DNAH14: variants seen among roughly 807,000 people sequenced by gnomAD.
DNAH14 encodes axonemal beta dynein heavy chain 14.
In DNAH14, 478 loss-of-function variants were observed where a neutral mutation model predicts 520.9. The ratio of observed to expected loss-of-function variants is 0.92; its 90% CI spans 0.85 to 0.99. The LOEUF (loss-of-function observed/expected upper bound fraction) is 0.99. DNAH14 is among the 50% of genes least tolerant of loss of function. The probability of loss-of-function intolerance (pLI) is 0.00; values close to 1 mark genes in which losing one functional copy is unlikely to be tolerated. For missense variants in DNAH14, 4,831 were observed against 5,234.5 expected (o/e 0.92, Z 2.38); for synonymous variants, 1,581 against 1,757.2 (o/e 0.90, Z 2.51).
chr1:225,176,229 T>C (rs1306211966), intron 36 of DNAH14, among the ~76,000 whole-genome samples: 1 of 152,222 alleles, frequency 6.6e-6, no homozygotes, highest in African/African-American at 2.4e-5. Flanking sequence ...CATGAGCACA[T>C]TGTTTAATTT....
chr1:225,086,364 G>A (rs575358034), intron 21 of DNAH14, among the ~76,000 whole-genome samples: 296 of 151,926 alleles, frequency 1.9e-3, no homozygotes, highest in Non-Finnish European at 3.6e-3. Context: ...TCGATCTCCT[G>A]ACCTCATGAT....
chr1:225,094,656 CAA>C (rs760828776), intron 21 of DNAH14, among the ~76,000 whole-genome samples: 98 of 77,846 alleles, frequency 1.3e-3, no homozygotes, highest in Middle Eastern at 0.01. Flanking sequence ...TTCTGCACAG[CAA>C]AAAAAAAAAA....
Position 225,244,721 on chromosome 1 carries a change from A to G in DNAH14, c.6748+3899A>G, listed in dbSNP as rs2092174928. On this transcript the variant is annotated intron_variant, in intron 43 of 85. Transcript: ENST00000682510. ...TATCCCCTTCATCATTTTTTATTGT[A>G]TCTATTTGATTCATCTATTGTCTTC... 2.0e-5 allele frequency among the ~76,000 whole-genome samples: 3 copies of G among 151,616 alleles called. No homozygotes were observed. In the South Asian group the frequency reaches 6.3e-4, roughly 32 times the overall value.
At chr1:225,336,841 T>C (rs2134698) in intron 66 of DNAH14, among the ~76,000 whole-genome samples, 90,760 of 152,108 alleles carry the variant, frequency 0.6, 28,204 homozygotes, top group East Asian at 0.76. Context: ...AATTTCACTA[T>C]GTGGTATATA....
intron 38 of DNAH14, among the ~76,000 whole-genome samples, chr1:225,198,526 C>G (rs963521735): frequency 3.9e-5 from 6 of 152,184 alleles, no homozygotes; most frequent in African/African-American, 1.4e-4. Flanking sequence ...CCCTTCTATG[C>G]CAATTTTGCT....
chr1:225,370,344 C>A (rs762675269), intron 77 of DNAH14, among the ~76,000 whole-genome samples: 18 of 150,602 alleles, frequency 1.2e-4, no homozygotes, highest in Non-Finnish European at 2.4e-4. Context: ...ATATAGAAAG[C>A]CCTGTCTGTA....
chr1:225,323,589 G>T (rs975381256), intron 62 of DNAH14, among the ~76,000 whole-genome samples: 4 of 150,464 alleles, frequency 2.7e-5, no homozygotes, highest in East Asian at 2.0e-4. Flanking sequence ...TCAGCCTCCC[G>T]AGTAGCTGGG....
chr1:225,266,641 A>T lies in DNAH14; in HGVS notation c.7411A>T (p.Ile2471Phe). The T allele has an allele frequency of 1.3e-6, 2 of 1,486,784 alleles. No individual in the cohort carries two copies. Among genetic ancestry groups the T allele is most frequent in the Non-Finnish European group, 8.9e-7 (1 of 1,123,708 alleles). The allele number at this position is 1,486,784 out of a possible 1,614,324, so 92.1% of individuals were successfully genotyped here. ...DTLGAPKNNRILIFIDDMNMP... is the reference protein window; with the variant it reads ...DTLGAPKNNRFLIFIDDMNMP... Reference sequence around the variant, plus strand: ...TTTAAAACCTTTTGTCTTTCTTAAGATTCTAATATTTATTGATGATATGAA... The same window carrying T: ...TTTAAAACCTTTTGTCTTTCTTAAGTTTCTAATATTTATTGATGATATGAA... Residue 2471 changes from isoleucine (I) to phenylalanine (F), a missense_variant and splice_region_variant, in exon 49 of 86, where the codon ATT (isoleucine) becomes TTT (phenylalanine). Coordinates refer to ENST00000682510, the MANE Select transcript of DNAH14 (RefSeq NM_001367479.1).
intron 43 of DNAH14, among the ~76,000 whole-genome samples, chr1:225,247,370 G>A (rs531579339): frequency 6.6e-6 from 1 of 152,094 alleles, no homozygotes; most frequent in South Asian, 2.1e-4. Flanking sequence ...TTCTGCACAT[G>A]TATTCCAGAA....
chr1:225,146,260 C>T (rs1559098694), intron 30 of DNAH14, among the ~76,000 whole-genome samples: 1 of 152,130 alleles, frequency 6.6e-6, no homozygotes, highest in African/African-American at 2.4e-5. Context: ...TAAATTAAGA[C>T]AAGATCTGAT....
chr1:225,206,393 T>C (rs1011020208), intron 40 of DNAH14, among the ~76,000 whole-genome samples: 2 of 152,174 alleles, frequency 1.3e-5, no homozygotes, highest in African/African-American at 4.8e-5. Context: ...CTCTTAGTAA[T>C]TGGAGTGTCA....
At chr1:225,156,501 T>C (rs187480525) in intron 34 of DNAH14, among the ~76,000 whole-genome samples, 4 of 152,210 alleles carry the variant, frequency 2.6e-5, no homozygotes, top group Admixed American at 2.6e-4. Flanking sequence ...TTACAGGAAA[T>C]GTAACATTTT....
chr1:225,026,440 G>A (rs1265239781), intron 11 of DNAH14, among the ~76,000 whole-genome samples: 3 of 152,026 alleles, frequency 2.0e-5, no homozygotes, highest in Admixed American at 6.6e-5. Context: ...TAGATGGTAT[G>A]AGATAGGGTC....
intron 41 of DNAH14, among the ~76,000 whole-genome samples, chr1:225,211,815 C>A (rs1291402893): frequency 6.6e-6 from 1 of 152,026 alleles, no homozygotes; most frequent in East Asian, 1.9e-4. Flanking sequence ...ACCCTACAAG[C>A]CAGAAGAGAG....
chr1:224,932,250 T>C (rs1424453917), intron 1 of DNAH14, among the ~76,000 whole-genome samples: 1 of 152,180 alleles, frequency 6.6e-6, no homozygotes, highest in Non-Finnish European at 1.5e-5. Flanking sequence ...TGGTTACATG[T>C]CTTCTTTTAA....
chr1:225,030,033 T>C (rs1348380551), intron 11 of DNAH14, among the ~76,000 whole-genome samples: 1 of 151,884 alleles, frequency 6.6e-6, no homozygotes, highest in Non-Finnish European at 1.5e-5. Flanking sequence ...TTAAAATGAT[T>C]AAAATACAAA....
intron 38 of DNAH14, among the ~76,000 whole-genome samples, chr1:225,193,592 C>G (rs1482585646): frequency 6.6e-6 from 1 of 151,878 alleles, no homozygotes; most frequent in East Asian, 1.9e-4. Flanking sequence ...AACAATACAT[C>G]ATACTGAGTG....
At chr1:225,376,539 C>A (rs965504475) in intron 78 of DNAH14, among the ~76,000 whole-genome samples, 3 of 152,188 alleles carry the variant, frequency 2.0e-5, no homozygotes, top group African/African-American at 7.2e-5. Context: ...TATACTGTAA[C>A]ATACAGCATA....
Position 225,369,342 on chromosome 1 carries a change from C to T in DNAH14, c.12318+1310C>T, listed in dbSNP as rs554333366. Among the ~76,000 whole-genome samples, 13 of 150,960 alleles carry T rather than the reference C, an allele frequency of 8.6e-5. No homozygotes were observed. The East Asian group carries it at 1.2e-3, about 14-fold the overall frequency. Reference sequence around the variant, plus strand: ...AAAACCCAGAAATGTGCAATTTATACGAAAAAGTGAAATTAATGAAGAAAT... The same window carrying T: ...AAAACCCAGAAATGTGCAATTTATATGAAAAAGTGAAATTAATGAAGAAAT... On this transcript the variant is annotated intron_variant, in intron 77 of 85. Transcript: ENST00000682510.
Sources: gnomAD v4.1 joint callset for allele counts (sites outside exome capture counted in the v4.1 genomes callset) on GRCh38, gnomAD v4.1.1 for gene constraint, MANE v1.5 for transcripts, NCBI Gene and HGNC (gene_info 2026-07-23, HGNC 2026-07-21) for gene names.